Variants in ZC3H8 observed in about 807,000 individuals in gnomAD.
ZC3H8 encodes the protein zinc finger CCCH domain-containing protein 8.
Under a neutral mutation model 42.5 loss-of-function variants are expected in ZC3H8, and 27 were observed. The observed-to-expected ratio is 0.64, with a 90% CI of 0.47 to 0.88. ZC3H8 has a LOEUF of 0.88. Ranked by LOEUF, ZC3H8 falls within the 40% of genes least tolerant of loss-of-function variation. ZC3H8 has a pLI of 0.00. For synonymous variants in ZC3H8, 101 were observed against 110.1 expected, an observed-to-expected ratio of 0.92 and a Z score of 0.52; for missense variants, 277 against 336.1, an observed-to-expected ratio of 0.82 and a Z score of 1.37.
At position 112,230,915 on chromosome 2, in the gene ZC3H8, A is replaced by G. The variant is rs1447463847; in HGVS notation, c.*3T>C. 3 of 1,283,110 alleles carry G rather than the reference A, an allele frequency of 2.3e-6. No individual in the cohort carries two copies. The highest frequency in any genetic ancestry group is 1.6e-5 in the African/African-American group (1 of 63,762). 79.5% of individuals were successfully genotyped at this position (1,283,110 alleles called of 1,614,324 possible). On this transcript the variant is annotated 3_prime_UTR_variant, in exon 8 of 9. Coordinates refer to ENST00000409573, the MANE Select transcript of ZC3H8 (RefSeq NM_032494.3). ...ATTCTAATTTTACCTTTTTATGTCT[A>G]TTTTATTTACATGACTTCTTTTCAG...
In ZC3H8 at chr2:112,230,955, T is replaced by C; in HGVS notation, c.844-5A>G. 2 of 1,243,052 alleles carry C rather than the reference T, an allele frequency of 1.6e-6. No individual in the cohort carries two copies. The highest frequency in any genetic ancestry group is 2.1e-6 in the Non-Finnish European group (2 of 944,298). 77.0% of individuals were successfully genotyped at this position (1,243,052 alleles called of 1,614,324 possible). ...CTTCTTTTCAGTATCCAAAACCTAA[T>C]ATAAAAAAAAAATCACATAATCATT... On this transcript the variant is annotated splice_polypyrimidine_tract_variant and splice_region_variant and intron_variant, in intron 7 of 8. Transcript: ENST00000409573.
intron 3 of ZC3H8, among the ~76,000 whole-genome samples, chr2:112,237,607 C>T (rs1315238062): frequency 1.3e-5 from 2 of 150,944 alleles, no homozygotes; most frequent in African/African-American, 2.4e-5. Context: ...GACAGAGTCT[C>T]GCTCTGTTGT....
chr2:112,227,063 A>G (rs963281736), intron 8 of ZC3H8, among the ~76,000 whole-genome samples: 2 of 152,258 alleles, frequency 1.3e-5, no homozygotes, highest in Admixed American at 1.3e-4. Context: ...TAGAGTATCT[A>G]TAAAAACCTA....
At chr2:112,221,664 C>T (rs1161803436) in intron 8 of ZC3H8, among the ~76,000 whole-genome samples, 1 of 152,048 alleles carries the variant, frequency 6.6e-6, no homozygotes, top group Non-Finnish European at 1.5e-5. Flanking sequence ...GCTGATAAGA[C>T]TTGAGACTGC....
chr2:112,252,914 C>T (rs1329951617), intron 1 of ZC3H8, among the ~76,000 whole-genome samples: 1 of 152,152 alleles, frequency 6.6e-6, no homozygotes, highest in Non-Finnish European at 1.5e-5. Context: ...GAGGCCAAGG[C>T]GGGCAGATCA....
intron 6 of ZC3H8, among the ~76,000 whole-genome samples, 199 bp from the exon 7 acceptor site, chr2:112,232,146 C>T (rs1000957855): frequency 1.3e-5 from 2 of 151,938 alleles, no homozygotes; most frequent in African/African-American, 4.8e-5. Context: ...CTCGCCTTTA[C>T]TAAAAATCCA....
At position 112,212,847 on chromosome 2, in the gene ZC3H8, G is replaced by C. The variant is rs1332486985; in HGVS notation, c.*3637C>G. ...GCTCAACCTGAGATATTCTGATCTT[G>C]CCAAACTCCAAATGTGATGTCTTTG... is the stretch of plus-strand genomic sequence containing the variant. On this transcript the variant is annotated 3_prime_UTR_variant, in exon 9 of 9. Coordinates refer to ENST00000409573, the MANE Select transcript of ZC3H8 (RefSeq NM_032494.3). The C allele has an allele frequency of 6.6e-6, 1 of 151,966 alleles. No homozygotes were observed. The highest frequency in any genetic ancestry group is 1.5e-5 in the Non-Finnish European group (1 of 68,024). The allele number at this position is 151,966 out of a possible 1,614,324, so 9.4% of individuals were successfully genotyped here.
Position 112,212,988 on chromosome 2 carries a change from T to TATA in ZC3H8, c.*3493_*3495dup, listed in dbSNP as rs1553483035. ...TGCTTTTTTTTTTTTTTTTTTTTTT[T>TATA]ATAAGAGACAAGGCTCTGTTGCCCA... On this transcript the variant is annotated 3_prime_UTR_variant, in exon 9 of 9. Coordinates refer to ENST00000409573, the MANE Select transcript of ZC3H8 (RefSeq NM_032494.3). 8.7e-6 allele frequency: 1 copy of TATA among 115,568 alleles called. No homozygotes were observed. Among genetic ancestry groups the TATA allele is most frequent in the Non-Finnish European group, 1.8e-5 (1 of 54,224 alleles). The allele number at this position is 115,568 out of a possible 1,614,324, so 7.2% of individuals were successfully genotyped here.
At chr2:112,233,975 T>C (rs1286231146) in intron 5 of ZC3H8, 145 bp downstream of exon 5, 2 of 532,402 alleles carry the variant, frequency 3.8e-6, no homozygotes, top group Admixed American at 4.1e-5. Context: ...TTTTTAAACA[T>C]AAAAGAATAC....
intron 2 of ZC3H8, among the ~76,000 whole-genome samples, chr2:112,248,092 G>A (rs6709304): frequency 0.016 from 2,507 of 152,312 alleles, 71 homozygotes; most frequent in African/African-American, 0.057. Flanking sequence ...TCGGGAGGCC[G>A]AGGCTGGCAG....
At chr2:112,216,928 G>T (rs903554770) in intron 8 of ZC3H8, among the ~76,000 whole-genome samples, 14 of 152,120 alleles carry the variant, frequency 9.2e-5, no homozygotes, top group African/African-American at 3.4e-4. Context: ...TAAAATGACA[G>T]AAACTAAACC....
chr2:112,249,369 C>A (rs1011769128), intron 2 of ZC3H8, among the ~76,000 whole-genome samples: 5 of 152,184 alleles, frequency 3.3e-5, no homozygotes, highest in African/African-American at 1.2e-4. Context: ...TCAGAAGGAA[C>A]CAACCCTGCC....
intron 8 of ZC3H8, among the ~76,000 whole-genome samples, chr2:112,218,414 G>A (rs1297732869): frequency 6.6e-6 from 1 of 152,090 alleles, no homozygotes; most frequent in East Asian, 1.9e-4. Context: ...TTAAGGTATA[G>A]CATATTTTAT....
Position 112,233,246 on chromosome 2 carries a change from G to T in ZC3H8, c.733+14C>A. ...AATATTTATAAAGTCACCATATCTTGTGATAAAGGATATTATGCAAATACA... is the reference window on the plus strand; with the variant it reads ...AATATTTATAAAGTCACCATATCTTTTGATAAAGGATATTATGCAAATACA... On this transcript the variant is annotated intron_variant, in intron 6 of 8. Coordinates refer to ENST00000409573, the MANE Select transcript of ZC3H8 (RefSeq NM_032494.3). 1 of 1,439,928 alleles carries T rather than the reference G, an allele frequency of 6.9e-7. No homozygotes were observed. Among genetic ancestry groups the T allele is most frequent in the Non-Finnish European group, 9.5e-7 (1 of 1,053,170 alleles). 89.2% of individuals were successfully genotyped at this position (1,439,928 alleles called of 1,614,324 possible). A position where few individuals can be genotyped will look rare whatever the true frequency, so the allele number is the denominator to read the frequency against.
chr2:112,238,527 A>G lies in ZC3H8; in HGVS notation c.158T>C (p.Phe53Ser). ...TTTTGGTGATATTGCAGAGTGTCTA[A>G]ACTAAGTAAAAATTAAAACTTCAAT... ...KLECEQIPKK[F>S]RHSAISPKSS... Residue 53 changes from phenylalanine to serine, a missense_variant and splice_region_variant, in exon 3 of 9, where the codon TTT (phenylalanine) becomes TCT (serine). Phe to Ser is a radical substitution (Grantham distance 155). Transcript: ENST00000409573. 1 of 1,592,664 alleles carries G rather than the reference A, an allele frequency of 6.3e-7. No homozygotes were observed. Among genetic ancestry groups the G allele is most frequent in the South Asian group, 1.1e-5 (1 of 87,734 alleles).
At chr2:112,216,838 GAAC>G (rs1428650181) in intron 8 of ZC3H8, among the ~76,000 whole-genome samples, 3 of 151,544 alleles carry the variant, frequency 2.0e-5, no homozygotes, top group Non-Finnish European at 2.9e-5. Flanking sequence ...AGCAGAAAGA[GAAC>G]AAAAAATGAG....
At chr2:112,252,133 T>G (rs896995845) in intron 1 of ZC3H8, among the ~76,000 whole-genome samples, 2 of 152,208 alleles carry the variant, frequency 1.3e-5, no homozygotes, top group African/African-American at 4.8e-5. Flanking sequence ...TATCCAAGTC[T>G]CTAACCCAAA....
chr2:112,245,969 G>A (rs1685747672), intron 2 of ZC3H8, among the ~76,000 whole-genome samples: 1 of 152,106 alleles, frequency 6.6e-6, no homozygotes, highest in South Asian at 2.1e-4. Flanking sequence ...CTCTTGTTAG[G>A]AGCTAATGCA....
intron 2 of ZC3H8, among the ~76,000 whole-genome samples, chr2:112,239,176 G>A (rs1450797203): frequency 6.6e-6 from 1 of 152,212 alleles, no homozygotes; most frequent in Non-Finnish European, 1.5e-5. Flanking sequence ...GAAGAACCCA[G>A]GCATGGGAGC....
Sources: allele counts gnomAD v4.1 joint callset (sites outside exome capture counted in the v4.1 genomes callset), GRCh38; gene constraint gnomAD v4.1.1; transcripts MANE v1.5; gene names NCBI Gene and HGNC (gene_info 2026-07-23, HGNC 2026-07-21).